SORCS2: variants seen among roughly 807,000 people sequenced by gnomAD.
SORCS2 encodes VPS10 domain-containing receptor SorCS2.
In SORCS2, 100 loss-of-function variants were observed where a neutral mutation model predicts 141.6. The ratio of observed to expected loss-of-function variants is 0.71; its 90% CI spans 0.60 to 0.83. SORCS2 has a LOEUF of 0.83. SORCS2 is among the 40% of genes least tolerant of loss of function. SORCS2 has a pLI of 0.00. For synonymous variants in SORCS2, 789 were observed against 676.9 expected, an observed-to-expected ratio of 1.17 and a Z score of -2.57; for missense variants, 1,646 against 1,560.2, an observed-to-expected ratio of 1.05 and a Z score of -0.93.
intron 1 of SORCS2, among the ~76,000 whole-genome samples, chr4:7,261,460 A>C (rs888165703): frequency 2.0e-5 from 3 of 152,192 alleles, no homozygotes; most frequent in African/African-American, 7.2e-5. Flanking sequence ...CTGAATGCAA[A>C]TCATGCCATG....
At chr4:7,712,233 A>G (rs80090361) in intron 14 of SORCS2, among the ~76,000 whole-genome samples, 2 of 152,332 alleles carry the variant, frequency 1.3e-5, no homozygotes, top group East Asian at 3.9e-4. Flanking sequence ...CTAGGGAGCA[A>G]ATGCCCTGTG....
chr4:7,318,294 C>T (rs114498979), intron 1 of SORCS2, among the ~76,000 whole-genome samples: 209 of 152,272 alleles, frequency 1.4e-3, no homozygotes, highest in African/African-American at 4.9e-3. Context: ...CACCTGGTCC[C>T]GAGGTGCTAG....
At chr4:7,567,070 T>A (rs1715070250) in intron 3 of SORCS2, among the ~76,000 whole-genome samples, 1 of 152,224 alleles carries the variant, frequency 6.6e-6, no homozygotes. Flanking sequence ...TTTATTTTTG[T>A]ATTTATTTTT....
chr4:7,695,628 ATGGG>A lies in SORCS2; in HGVS notation c.1592-1562_1592-1559del, dbSNP rs1340320515. On this transcript the variant is annotated intron_variant, in intron 11 of 26. Coordinates refer to ENST00000507866, the MANE Select transcript of SORCS2 (RefSeq NM_020777.3). ...GATGGATGGATGGATGGATGGATGG[ATGGG>A]TGGGTGGATGGATGGATGGATGGAT... 2.1e-4 allele frequency among the ~76,000 whole-genome samples: 9 copies of A among 43,192 alleles called. 3 individuals are homozygous for A. Among genetic ancestry groups the A allele is most frequent in the Non-Finnish European group, 3.4e-4 (8 of 23,404 alleles). The allele number at this position is 43,192 out of a possible 152,430, so 28.3% of individuals were successfully genotyped here.
intron 1 of SORCS2, among the ~76,000 whole-genome samples, chr4:7,359,941 A>G (rs1455585314): frequency 6.6e-6 from 1 of 152,204 alleles, no homozygotes; most frequent in African/African-American, 2.4e-5. Flanking sequence ...TCACGGGGAA[A>G]GGAACCCAAC....
chr4:7,374,108 ATTCTTTCTTTCTTTCTTTCCCTCTTTCT>A (rs779678704), intron 1 of SORCS2, among the ~76,000 whole-genome samples: 8,455 of 145,040 alleles, frequency 0.058, 508 homozygotes, highest in East Asian at 0.11. Flanking sequence ...TAGGATTGAG[ATTCTTTCTTTCTTTCTTTCCCTCTTTCT>A]TTCTTTCTTT....
intron 2 of SORCS2, among the ~76,000 whole-genome samples, chr4:7,478,331 C>G (rs139019847): frequency 6.6e-6 from 1 of 152,118 alleles, no homozygotes; most frequent in Non-Finnish European, 1.5e-5. Context: ...GCGTCACCAG[C>G]TCCCCCTCCT....
intron 11 of SORCS2, among the ~76,000 whole-genome samples, chr4:7,691,436 G>C (rs943626983): frequency 6.6e-6 from 1 of 152,154 alleles, no homozygotes; most frequent in African/African-American, 2.4e-5. Flanking sequence ...TGAAGCCTAC[G>C]TGCAGGGCTG....
intron 1 of SORCS2, among the ~76,000 whole-genome samples, chr4:7,304,725 G>C (rs1015869431): frequency 6.6e-6 from 1 of 152,238 alleles, no homozygotes; most frequent in African/African-American, 2.4e-5. Flanking sequence ...ACAAGAGCTT[G>C]GAGGCTGGCA....
intron 1 of SORCS2, among the ~76,000 whole-genome samples, chr4:7,388,786 G>A (rs895206888): frequency 6.6e-6 from 1 of 152,112 alleles, no homozygotes; most frequent in Admixed American, 6.5e-5. Flanking sequence ...ATCCTTTTTC[G>A]TCCTTCCCAT....
chr4:7,661,749 G>A (rs1722188341), intron 6 of SORCS2, among the ~76,000 whole-genome samples, 185 bp downstream of exon 6: 1 of 152,190 alleles, frequency 6.6e-6, no homozygotes, highest in Non-Finnish European at 1.5e-5. Flanking sequence ...TCGAAGTCAG[G>A]GAGCTCCACT....
intron 1 of SORCS2, among the ~76,000 whole-genome samples, chr4:7,301,833 G>A (rs367594837): frequency 6.6e-6 from 1 of 152,220 alleles, no homozygotes; most frequent in Non-Finnish European, 1.5e-5. Flanking sequence ...CTGGAAGGAC[G>A]GGGTTAACAC....
intron 1 of SORCS2, among the ~76,000 whole-genome samples, chr4:7,334,140 T>G: frequency 6.6e-6 from 1 of 152,016 alleles, no homozygotes; most frequent in Admixed American, 6.5e-5. Context: ...GCGGCACAAG[T>G]GAAACGTCCA....
intron 1 of SORCS2, among the ~76,000 whole-genome samples, chr4:7,367,774 G>T (rs1285808315): frequency 1.3e-5 from 2 of 152,324 alleles, no homozygotes; most frequent in South Asian, 4.1e-4. Flanking sequence ...AATAAACTCG[G>T]GGAAGTGGGC....
At chr4:7,387,614 C>T (rs1352173780) in intron 1 of SORCS2, among the ~76,000 whole-genome samples, 1 of 143,706 alleles carries the variant, frequency 7.0e-6, no homozygotes, top group African/African-American at 2.7e-5. Flanking sequence ...CACATGCACA[C>T]ACATACACAT....
Position 7,441,038 on chromosome 4 carries a change from G to A in SORCS2, c.548+44683G>A, listed in dbSNP as rs566766003. Among the ~76,000 whole-genome samples the A allele has an allele frequency of 3.9e-5, 6 of 152,216 alleles. No individual in the cohort carries two copies. The South Asian group carries it at 1.2e-3, about 32-fold the overall frequency. On this transcript the variant is annotated intron_variant, in intron 2 of 26. Coordinates refer to ENST00000507866, the MANE Select transcript of SORCS2 (RefSeq NM_020777.3). Reference sequence around the variant, plus strand: ...AGATTTGGGGAGAGGTGGTGCTGTCGGTCCCTGGGAAGCAGGTGTGAGCTC... The same window carrying A: ...AGATTTGGGGAGAGGTGGTGCTGTCAGTCCCTGGGAAGCAGGTGTGAGCTC...
chr4:7,552,938 G>A (rs1414272213), intron 3 of SORCS2, among the ~76,000 whole-genome samples: 1 of 152,226 alleles, frequency 6.6e-6, no homozygotes, highest in Non-Finnish European at 1.5e-5. Context: ...AGGAGAGGCA[G>A]CTCTCAGAGA....
chr4:7,402,192 A>T (rs1258833489), intron 2 of SORCS2, among the ~76,000 whole-genome samples: 1 of 152,116 alleles, frequency 6.6e-6, no homozygotes, highest in African/African-American at 2.4e-5. Flanking sequence ...CTTTTTCCAT[A>T]TATGTTTGGA....
At chr4:7,280,315 A>G (rs1324063257) in intron 1 of SORCS2, among the ~76,000 whole-genome samples, 2 of 152,120 alleles carry the variant, frequency 1.3e-5, no homozygotes, top group African/African-American at 4.8e-5. Context: ...TCAGCCATTT[A>G]AAAAAATGAC....
Sources: gnomAD v4.1 joint callset for allele counts (sites outside exome capture counted in the v4.1 genomes callset) on GRCh38, gnomAD v4.1.1 for gene constraint, MANE v1.5 for transcripts, NCBI Gene and HGNC (gene_info 2026-07-23, HGNC 2026-07-21) for gene names.